The following EIF2S2 variants were observed in gnomAD, a reference collection of about 807,000 sequenced individuals.
The protein encoded by EIF2S2 is eukaryotic translation initiation factor 2 subunit 2.
Under a neutral mutation model 44.0 loss-of-function variants are expected in EIF2S2, and 4 were observed. That is an observed-to-expected ratio of 0.09 (90% confidence interval 0.04 to 0.21). EIF2S2 has a LOEUF of 0.21. Ranked by LOEUF, EIF2S2 falls within the 10% of genes least tolerant of loss-of-function variation. EIF2S2 has a pLI of 1.00. For synonymous variants in EIF2S2, 108 were observed against 128.3 expected (o/e 0.84, Z 1.07); for missense variants, 154 against 392.0 (o/e 0.39, Z 5.13).
At chr20:34,098,739 G>A in intron 3 of EIF2S2, 106 bp from the exon 4 acceptor site, 1 of 1,358,242 alleles carries the variant, frequency 7.4e-7, no homozygotes, top group Admixed American at 2.5e-5. Flanking sequence ...TGTTGCTCAG[G>A]CTAGTCTCAA....
In EIF2S2 at chr20:34,098,616, A is replaced by G; in HGVS notation, c.315T>C (p.Ser105=). ...EEGVKDLKIE[S]DVQEPTEPED... ...CTGGTTCAGTTGGTTCTTGAACATC[A>G]CTTTCAATCTTAAGATCCTAAGAAA... Residue 105 remains serine, a synonymous_variant, in exon 4 of 9, where the codon AGT becomes AGC. Transcript: ENST00000374980. The G allele has an allele frequency of 1.2e-6, 2 of 1,613,862 alleles. No individual in the cohort carries two copies. The highest frequency in any genetic ancestry group is 1.7e-6 in the Non-Finnish European group (2 of 1,179,996).
At chr20:34,097,383 C>A (rs753972706) in intron 5 of EIF2S2, 33 bp downstream of exon 5, 1 of 1,553,750 alleles carries the variant, frequency 6.4e-7, no homozygotes, top group Admixed American at 1.7e-5. Flanking sequence ...TAGTGAATAG[C>A]TTAGCCCCTT....
intron 6 of EIF2S2, 27 bp downstream of exon 6, chr20:34,096,630 A>G: frequency 6.4e-7 from 1 of 1,563,160 alleles, no homozygotes; most frequent in Non-Finnish European, 8.6e-7. Flanking sequence ...GGCATTTGGG[A>G]TGAAGGTACT....
chr20:34,095,561 C>G (rs1367969491), intron 6 of EIF2S2, among the ~76,000 whole-genome samples: 1 of 152,226 alleles, frequency 6.6e-6, no homozygotes, highest in Non-Finnish European at 1.5e-5. Flanking sequence ...ATCCGCCCAC[C>G]TCGGCCTCCC....
At chr20:34,107,057 A>G (rs1180150130) in intron 1 of EIF2S2, among the ~76,000 whole-genome samples, 1 of 152,120 alleles carries the variant, frequency 6.6e-6, no homozygotes, top group African/African-American at 2.4e-5. Flanking sequence ...GGGTGCCTGT[A>G]GTCCTAGCTA....
chr20:34,090,402 G>C (rs1210270467), intron 8 of EIF2S2, 115 bp downstream of exon 8: 5 of 602,574 alleles, frequency 8.3e-6, no homozygotes, highest in East Asian at 3.3e-5. Flanking sequence ...TTTTGTCTCT[G>C]ATCTTTTTAA....
intron 1 of EIF2S2, among the ~76,000 whole-genome samples, chr20:34,106,957 G>A (rs1339052749): frequency 3.3e-5 from 5 of 152,092 alleles, no homozygotes; most frequent in Non-Finnish European, 5.9e-5. Flanking sequence ...CGAGGCGGGC[G>A]GATCATGAGG....
intron 2 of EIF2S2, among the ~76,000 whole-genome samples, chr20:34,104,397 C>T (rs2034326015): frequency 6.6e-6 from 1 of 152,160 alleles, no homozygotes; most frequent in Admixed American, 6.5e-5. Flanking sequence ...GGTTAGGTAT[C>T]CCCAGAGTGA....
intron 2 of EIF2S2, 103 bp from the exon 3 acceptor site, chr20:34,103,668 T>C (rs2034318163): frequency 7.4e-7 from 1 of 1,351,516 alleles, no homozygotes; most frequent in African/African-American, 1.5e-5. Context: ...CAGAAAAGAC[T>C]GACTATTAAT....
At chr20:34,092,487 G>A (rs1328983652) in intron 7 of EIF2S2, among the ~76,000 whole-genome samples, 2 of 152,146 alleles carry the variant, frequency 1.3e-5, no homozygotes, top group South Asian at 2.1e-4. Context: ...TGGCTAACAC[G>A]GTGAAACCTC....
intron 6 of EIF2S2, among the ~76,000 whole-genome samples, chr20:34,094,107 G>T (rs1370582153): frequency 6.6e-6 from 1 of 152,162 alleles, no homozygotes; most frequent in East Asian, 1.9e-4. Flanking sequence ...GCCCAGACTG[G>T]TATGGAACTC....
intron 1 of EIF2S2, among the ~76,000 whole-genome samples, 157 bp from the exon 2 acceptor site, chr20:34,105,702 C>T (rs2034341929): frequency 1.3e-5 from 2 of 152,072 alleles, no homozygotes; most frequent in African/African-American, 4.8e-5. Flanking sequence ...AATAAATTGT[C>T]CACCCAACCT....
At position 34,105,545 on chromosome 20, in the gene EIF2S2, T is replaced by C; in HGVS notation, c.16A>G (p.Met6Val). 1 of 1,564,224 alleles carries C rather than the reference T, an allele frequency of 6.4e-7. No individual in the cohort carries two copies. Among genetic ancestry groups the C allele is most frequent in the Non-Finnish European group, 8.6e-7 (1 of 1,159,562 alleles). The change falls in exon 2 of 9, where the codon ATG becomes GTG. Residue 6 changes from methionine to valine, a missense_variant and splice_region_variant. By Grantham distance (21) the Met-to-Val change is conservative. Transcript: ENST00000374980. ...TTGCTCATAGTAGGATCAAAAATCATCTGTTTAAAAGACAAAAAACAAAAA... is the reference window on the plus strand; with the variant it reads ...TTGCTCATAGTAGGATCAAAAATCACCTGTTTAAAAGACAAAAAACAAAAA... MSGDE[M>V]IFDPTMSKKK...
chr20:34,112,047 A>T (rs2034420144), intron 1 of EIF2S2, 49 bp downstream of exon 1: 2 of 1,446,888 alleles, frequency 1.4e-6, no homozygotes, highest in Non-Finnish European at 1.8e-6. Context: ...GGAGTGGGTT[A>T]GGCTTCTCGC....
intron 1 of EIF2S2, among the ~76,000 whole-genome samples, chr20:34,106,726 G>A (rs909354393): frequency 2.0e-5 from 3 of 152,104 alleles, no homozygotes; most frequent in Admixed American, 6.5e-5. Flanking sequence ...ACCATGCCTT[G>A]CCCCAAAATT....
At position 34,105,273 on chromosome 20, in the gene EIF2S2, G is replaced by C. The variant is rs1219627155; in HGVS notation, c.193+95C>G. Reference sequence around the variant, plus strand: ...GCCTTGACTTCACTGGAACAGCCTTGTCAGGCTGAGAGGTCGCTGCATATC... The same window carrying C: ...GCCTTGACTTCACTGGAACAGCCTTCTCAGGCTGAGAGGTCGCTGCATATC... On this transcript the variant is annotated intron_variant, in intron 2 of 8. Coordinates refer to ENST00000374980, the MANE Select transcript of EIF2S2 (RefSeq NM_003908.5). 75 of 1,342,754 alleles carry C rather than the reference G, an allele frequency of 5.6e-5. No homozygotes were observed. In the East Asian group the frequency reaches 9.9e-4, roughly 18 times the overall value. 83.2% of individuals were successfully genotyped at this position (1,342,754 alleles called of 1,614,324 possible). A position where few individuals can be genotyped will look rare whatever the true frequency, so the allele number is the denominator to read the frequency against.
At chr20:34,091,513 C>T (rs2034162176) in intron 7 of EIF2S2, among the ~76,000 whole-genome samples, 1 of 151,802 alleles carries the variant, frequency 6.6e-6, no homozygotes, top group African/African-American at 2.4e-5. Context: ...GTCAGGTGTT[C>T]GAGACCAGCC....
rs1555812046 is a variant in EIF2S2 at position 34,091,776 on chromosome 20, T to TG, written c.741-1175dup. Among the ~76,000 whole-genome samples the TG allele has an allele frequency of 3.2e-3, 307 of 95,798 alleles. 4 individuals are homozygous for TG. The highest frequency in any genetic ancestry group is 8.6e-3 in the Middle Eastern group (1 of 116). The allele number at this position is 95,798 out of a possible 152,430, so 62.8% of individuals were successfully genotyped here. ...TATTATTTATATATATTTATTTTTT[T>TG]GGGGGGGGGGGGTCCAAGGGTGGAG... On this transcript the variant is annotated intron_variant, in intron 7 of 8. Coordinates refer to ENST00000374980, the MANE Select transcript of EIF2S2 (RefSeq NM_003908.5).
rs1208267065 is a variant in EIF2S2 at position 34,088,865 on chromosome 20, C to G, written c.*865G>C. ...ATTTGTGGTGGGTCTTTTTCAAACC[C>G]AGAACACAAGTTGGCTAGGAAAACG... is the stretch of plus-strand genomic sequence containing the variant. On this transcript the variant is annotated 3_prime_UTR_variant, in exon 9 of 9. Transcript: ENST00000374980. 3 of 152,272 alleles carry G rather than the reference C, an allele frequency of 2.0e-5. No individual in the cohort carries two copies. In the East Asian group the frequency reaches 5.8e-4, roughly 29 times the overall value. The allele number at this position is 152,272 out of a possible 1,614,324, so 9.4% of individuals were successfully genotyped here.
Sources: gnomAD v4.1 joint callset for allele counts (sites outside exome capture counted in the v4.1 genomes callset) on GRCh38, gnomAD v4.1.1 for gene constraint, MANE v1.5 for transcripts, NCBI Gene and HGNC (gene_info 2026-07-23, HGNC 2026-07-21) for gene names.